Variants in ZDHHC18 observed in about 807,000 individuals in gnomAD.
The protein encoded by ZDHHC18 is palmitoyltransferase ZDHHC18.
In ZDHHC18, 23 loss-of-function variants were observed where a neutral mutation model predicts 37.5. The ratio of observed to expected loss-of-function variants is 0.61; its 90% CI spans 0.44 to 0.87. The LOEUF (loss-of-function observed/expected upper bound fraction) is 0.87, where lower values mean the gene tolerates loss of function less well. Ranked by LOEUF, ZDHHC18 falls within the 40% of genes least tolerant of loss-of-function variation. The pLI is 0.00. For synonymous variants in ZDHHC18, 185 were observed against 218.7 expected, an observed-to-expected ratio of 0.85 and a Z score of 1.36; for missense variants, 406 against 525.6, an observed-to-expected ratio of 0.77 and a Z score of 2.22.
chr1:26,826,908 C>G lies in ZDHHC18; in HGVS notation c.104C>G (p.Pro35Arg). The G allele has an allele frequency of 6.1e-6, 6 of 989,112 alleles. No homozygotes were observed. Among genetic ancestry groups the G allele is most frequent in the Non-Finnish European group, 7.2e-6 (6 of 834,100 alleles). 61.3% of individuals were successfully genotyped at this position (989,112 alleles called of 1,614,324 possible). ...CCCGCCGCGTCCCCGACTCCGGGCCCCGGGCCCGCGCCGCCCGCCGCCCCC... is the reference window on the plus strand; with the variant it reads ...CCCGCCGCGTCCCCGACTCCGGGCCGCGGGCCCGCGCCGCCCGCCGCCCCC... ...PGPAASPTPG[P>R]GPAPPAAPAP... is the part of the protein sequence containing the mutation. Residue 35 changes from proline (P) to arginine (R), a missense_variant, in exon 1 of 8, where the codon CCC (proline) becomes CGC (arginine). By Grantham distance (103) the Pro-to-Arg change is moderately radical. Transcript: ENST00000374142. This position sits in a 1 kb window ranked among gnomAD's most constrained non-coding sequence, Gnocchi z 5.2.
chr1:26,847,007 TG>T (rs2081672001), intron 2 of ZDHHC18, among the ~76,000 whole-genome samples: 1 of 151,980 alleles, frequency 6.6e-6, no homozygotes. Context: ...GCGATTCTCC[TG>T]CCTCAGCCTC....
chr1:26,826,913 C>T lies in ZDHHC18; in HGVS notation c.109C>T (p.Pro37Ser). ...CGCGTCCCCGACTCCGGGCCCCGGG[C>T]CCGCGCCGCCCGCCGCCCCCGCCCC... ...PAASPTPGPG[P>S]APPAAPAPPR... The change falls in exon 1 of 8, where the codon CCC (proline) becomes TCC (serine). Residue 37 changes from proline (P) to serine (S), a missense_variant. Transcript: ENST00000374142. The surrounding 1 kb of genome is among the most constrained non-coding windows in gnomAD (Gnocchi z 5.2). 1.0e-6 allele frequency: 1 copy of T among 994,822 alleles called. No homozygotes were observed. The highest frequency in any genetic ancestry group is 1.2e-6 in the Non-Finnish European group (1 of 838,000). 61.6% of individuals were successfully genotyped at this position (994,822 alleles called of 1,614,324 possible). A position where few individuals can be genotyped will look rare whatever the true frequency, so the allele number is the denominator to read the frequency against.
rs2081695108 is a variant in ZDHHC18, at chr1:26,850,206, G to A, written c.647-95G>A. Reference sequence around the variant, plus strand: ...CCAGCTGGTGCTGCGAGAGTGAACGGGGTAGGAAAGCCCCAGCCATGGGTG... The same window carrying A: ...CCAGCTGGTGCTGCGAGAGTGAACGAGGTAGGAAAGCCCCAGCCATGGGTG... On this transcript the variant is annotated intron_variant, in intron 3 of 7. Transcript: ENST00000374142. The surrounding 1 kb of genome is among the most constrained non-coding windows in gnomAD (Gnocchi z 6.1). 1 of 1,491,628 alleles carries A rather than the reference G, an allele frequency of 6.7e-7. No homozygotes were observed. The allele number at this position is 1,491,628 out of a possible 1,614,324, so 92.4% of individuals were successfully genotyped here. A position where few individuals can be genotyped will look rare whatever the true frequency, so the allele number is the denominator to read the frequency against.
chr1:26,853,833 G>T lies in ZDHHC18; in HGVS notation c.1157G>T (p.Gly386Val), dbSNP rs370371683. 6.2e-7 allele frequency: 1 copy of T among 1,613,364 alleles called. No homozygotes were observed. The highest frequency in any genetic ancestry group is 1.3e-5 in the African/African-American group (1 of 74,922). Residue 386 changes from glycine (G) to valine (V), a missense_variant, in exon 8 of 8, where the codon GGC (glycine) becomes GTC (valine). Physicochemically the swap from Gly to Val is moderately radical, Grantham distance 109. Transcript: ENST00000374142. The part of the protein sequence containing the change: ...RAKPDASMVG[G>V]HP The stretch of plus-strand genomic sequence containing the variant: ...AAGCCTGATGCCAGCATGGTAGGAG[G>T]CCACCCCTGACCACGGCTCAGTACT...
At chr1:26,830,216 G>T (rs569724780) in intron 1 of ZDHHC18, among the ~76,000 whole-genome samples, 1 of 152,302 alleles carries the variant, frequency 6.6e-6, no homozygotes, top group South Asian at 2.1e-4. Flanking sequence ...CCAGGGCCCC[G>T]TCATCTCCTT....
intron 7 of ZDHHC18, chr1:26,853,254 C>T (rs2081715773): frequency 4.0e-6 from 1 of 250,484 alleles, no homozygotes; most frequent in Non-Finnish European, 7.8e-6. Context: ...GGGTCACTCC[C>T]TGTTCATCCT....
Position 26,850,297 on chromosome 1 carries a change from C to T in ZDHHC18, c.647-4C>T. The T allele has an allele frequency of 3.1e-6, 5 of 1,614,094 alleles. No individual in the cohort carries two copies. The highest frequency in any genetic ancestry group is 4.2e-6 in the Non-Finnish European group (5 of 1,179,966). Reference sequence around the variant, plus strand: ...CTAACCCATCGCCCCTTGCCCTTGTCCAGAACGATTTGACCATCACTGCCC... The same window carrying T: ...CTAACCCATCGCCCCTTGCCCTTGTTCAGAACGATTTGACCATCACTGCCC... On this transcript the variant is annotated splice_region_variant and splice_polypyrimidine_tract_variant and intron_variant, in intron 3 of 7. Coordinates refer to ENST00000374142, the MANE Select transcript of ZDHHC18 (RefSeq NM_032283.3). This position sits in a 1 kb window ranked among gnomAD's most constrained non-coding sequence, Gnocchi z 6.1.
At chr1:26,832,765 A>T (rs999023217) in intron 2 of ZDHHC18, among the ~76,000 whole-genome samples, 158 bp downstream of exon 2, 2 of 152,242 alleles carry the variant, frequency 1.3e-5, no homozygotes, top group South Asian at 2.1e-4. Flanking sequence ...AGGGAGACAG[A>T]TGATCAACAA....
At chr1:26,829,190 G>A (rs1185681774) in intron 1 of ZDHHC18, among the ~76,000 whole-genome samples, 2 of 152,164 alleles carry the variant, frequency 1.3e-5, no homozygotes, top group Non-Finnish European at 2.9e-5. Flanking sequence ...ATTGCTCTGG[G>A]AAAAGGTAAG....
chr1:26,855,732 G>C lies in ZDHHC18; in HGVS notation c.*1889G>C, dbSNP rs2081731030. On this transcript the variant is annotated 3_prime_UTR_variant, in exon 8 of 8. Transcript: ENST00000374142. Reference sequence around the variant, plus strand: ...AGTTTATAAGAGTTGCTTTGCTTTGGTTTGGTTTTTGTTTGCTTTTCCTTT... The same window carrying C: ...AGTTTATAAGAGTTGCTTTGCTTTGCTTTGGTTTTTGTTTGCTTTTCCTTT... The C allele has an allele frequency of 1.3e-5, 2 of 154,694 alleles. No homozygotes were observed. The highest frequency in any genetic ancestry group is 6.4e-5 in the Admixed American group (1 of 15,556). The allele number at this position is 154,694 out of a possible 1,614,324, so 9.6% of individuals were successfully genotyped here. A position where few individuals can be genotyped will look rare whatever the true frequency, so the allele number is the denominator to read the frequency against.
intron 7 of ZDHHC18, chr1:26,853,182 C>G: frequency 3.4e-6 from 1 of 292,046 alleles, no homozygotes. Context: ...TGCCCACTGC[C>G]TGGACTGGGT....
chr1:26,849,671 G>A (rs140702636), intron 3 of ZDHHC18, among the ~76,000 whole-genome samples: 27 of 152,376 alleles, frequency 1.8e-4, no homozygotes, highest in African/African-American at 6.5e-4. Flanking sequence ...GTGTGCAGGT[G>A]AGCTCAGCCC....
chr1:26,842,086 A>G lies in ZDHHC18; in HGVS notation c.497-6522A>G, dbSNP rs111489198. On this transcript the variant is annotated intron_variant, in intron 2 of 7. Coordinates refer to ENST00000374142, the MANE Select transcript of ZDHHC18 (RefSeq NM_032283.3). ...AAGGTGGAGGTTGCAGTGAGCCAAG[A>G]TCGCGCCACTGCACTCCAGCCTGGG... Among the ~76,000 whole-genome samples the G allele has an allele frequency of 6.1e-3, 919 of 151,528 alleles. 5 individuals carry two copies. Among genetic ancestry groups the G allele is most frequent in the African/African-American group, 0.021 (863 of 41,222 alleles).
intron 2 of ZDHHC18, among the ~76,000 whole-genome samples, chr1:26,845,003 C>T (rs2081656591): frequency 6.6e-6 from 1 of 150,900 alleles, no homozygotes; most frequent in South Asian, 2.1e-4. Flanking sequence ...TCACTGCAAT[C>T]TCCGCCTCCT....
At chr1:26,840,613 TG>T (rs2081634072) in intron 2 of ZDHHC18, among the ~76,000 whole-genome samples, 1 of 151,938 alleles carries the variant, frequency 6.6e-6, no homozygotes, top group Non-Finnish European at 1.5e-5. Flanking sequence ...GGCTAATTTT[TG>T]TATTTTTAGT....
intron 2 of ZDHHC18, among the ~76,000 whole-genome samples, chr1:26,838,095 C>T (rs189819792): frequency 6.6e-6 from 1 of 151,212 alleles, no homozygotes; most frequent in East Asian, 2.0e-4. Flanking sequence ...CTCTCGGGTT[C>T]AAGCGATTCT....
At chr1:26,849,190 G>C (rs2081688821) in intron 3 of ZDHHC18, among the ~76,000 whole-genome samples, 1 of 152,230 alleles carries the variant, frequency 6.6e-6, no homozygotes, top group African/African-American at 2.4e-5. Context: ...AGAGTTGAGA[G>C]GGAAAAGCAT....
At chr1:26,849,536 G>A (rs1221487302) in intron 3 of ZDHHC18, among the ~76,000 whole-genome samples, 1 of 152,228 alleles carries the variant, frequency 6.6e-6, no homozygotes, top group Non-Finnish European at 1.5e-5. Context: ...CATCCCCAAG[G>A]AGCTGCCCCG....
At position 26,837,210 on chromosome 1, in the gene ZDHHC18, G is replaced by A. The variant is rs1328275631; in HGVS notation, c.496+4603G>A. Among the ~76,000 whole-genome samples the A allele has an allele frequency of 8.9e-5, 13 of 146,662 alleles. No homozygotes were observed. The East Asian group carries it at 1.0e-3, about 11-fold the overall frequency. ...GGAGCTTGCAGTGAGCCGAGATGGC[G>A]CCACTGCACTCCAGCCTGGGCGACA... On this transcript the variant is annotated intron_variant, in intron 2 of 7. Transcript: ENST00000374142.
Sources: allele counts gnomAD v4.1 joint callset (sites outside exome capture counted in the v4.1 genomes callset), GRCh38; gene constraint gnomAD v4.1.1; non-coding constraint Gnocchi (gnomAD v3.1); transcripts MANE v1.5; gene names NCBI Gene and HGNC (gene_info 2026-07-23, HGNC 2026-07-21).